DOCK7: variants seen among roughly 807,000 people sequenced by gnomAD.
The protein encoded by DOCK7 is dedicator of cytokinesis protein 7.
A neutral mutation model predicts 271.0 loss-of-function variants in DOCK7; 138 were observed. That is an observed-to-expected ratio of 0.51 (90% confidence interval 0.44 to 0.59). The LOEUF is 0.59. Ranked by LOEUF, DOCK7 falls within the 20% of genes least tolerant of loss-of-function variation. DOCK7 has a pLI of 0.00. For missense variants in DOCK7, 2,066 were observed against 2,592.4 expected (o/e 0.80, Z 4.41); for synonymous variants, 823 against 876.1 (o/e 0.94, Z 1.07).
chr1:62,631,769 A>G (rs1036782886), intron 10 of DOCK7, among the ~76,000 whole-genome samples: 8 of 152,192 alleles, frequency 5.3e-5, no homozygotes, highest in Admixed American at 1.3e-4. Flanking sequence ...AATTTGTTAA[A>G]TTTTGTTACT....
intron 11 of DOCK7, among the ~76,000 whole-genome samples, chr1:62,626,494 CAA>C (rs1259388577): frequency 5.4e-5 from 7 of 130,446 alleles, no homozygotes; most frequent in Admixed American, 1.5e-4. Flanking sequence ...AATGATGAAC[CAA>C]AAAAAAAAAG....
At position 62,455,368 on chromosome 1, in the gene DOCK7, T is replaced by C. The variant is rs1282957398; in HGVS notation, c.*46A>G. ...CCAATAGATCTTTTCACACTCGATG[T>C]TGAATACATGGCTCTTTGCAGATGA... is the stretch of plus-strand genomic sequence containing the variant. On this transcript the variant is annotated 3_prime_UTR_variant, in exon 50 of 50. Coordinates refer to ENST00000635253, the MANE Select transcript of DOCK7 (RefSeq NM_001367561.1). The C allele has an allele frequency of 2.5e-6, 4 of 1,594,662 alleles. No homozygotes were observed. Among genetic ancestry groups the C allele is most frequent in the Non-Finnish European group, 3.4e-6 (4 of 1,163,102 alleles).
At position 62,598,825 on chromosome 1, in the gene DOCK7, G is replaced by A. The variant is rs1649683562; in HGVS notation, c.1683-12201C>T. The A allele has an allele frequency of 8.4e-6, 12 of 1,423,094 alleles. 1 individual carries two copies. The African/African-American group carries it at 1.3e-4, about 15-fold the overall frequency. 88.2% of individuals were successfully genotyped at this position (1,423,094 alleles called of 1,614,324 possible). ...AAATCAGGTAAGTCAGTATTTTAAT[G>A]GTATGTCCCATCTTTCACACAGGTC... On this transcript the variant is annotated intron_variant, in intron 14 of 49. Transcript: ENST00000635253.
intron 7 of DOCK7, among the ~76,000 whole-genome samples, chr1:62,636,820 T>G (rs1655335006): frequency 6.6e-6 from 1 of 152,214 alleles, no homozygotes. Context: ...AATTAATTTA[T>G]CCAGCTACAA....
At chr1:62,526,829 C>A (rs1390360767) in intron 31 of DOCK7, among the ~76,000 whole-genome samples, 1 of 152,082 alleles carries the variant, frequency 6.6e-6, no homozygotes, top group Admixed American at 6.5e-5. Context: ...CACAAAAGAT[C>A]ATATAGTAAA....
chr1:62,574,080 C>A (rs1387257329), intron 18 of DOCK7, among the ~76,000 whole-genome samples: 5 of 152,096 alleles, frequency 3.3e-5, no homozygotes, highest in Non-Finnish European at 7.3e-5. Flanking sequence ...CACCCAGAAC[C>A]CCATGAGTTC....
chr1:62,596,966 T>C (rs528598005), intron 14 of DOCK7, among the ~76,000 whole-genome samples: 21 of 152,182 alleles, frequency 1.4e-4, no homozygotes, highest in African/African-American at 3.6e-4. Flanking sequence ...CAAAAAAACA[T>C]ATTAACAATT....
At chr1:62,612,161 A>C (rs2149569161) in intron 14 of DOCK7, among the ~76,000 whole-genome samples, 1 of 152,228 alleles carries the variant, frequency 6.6e-6, no homozygotes, top group South Asian at 2.1e-4. Flanking sequence ...GTCACACACA[A>C]ACACACAAAA....
At position 62,538,075 on chromosome 1, in the gene DOCK7, C is replaced by T; in HGVS notation, c.3301-14G>A. 6.2e-7 allele frequency: 1 copy of T among 1,607,194 alleles called. No homozygotes were observed. The highest frequency in any genetic ancestry group is 8.5e-7 in the Non-Finnish European group (1 of 1,176,178). On this transcript the variant is annotated splice_polypyrimidine_tract_variant and intron_variant, in intron 27 of 49. Transcript: ENST00000635253. ...CTTTGAAGACACCTTGTAAGCAATG[C>T]ATAAGTAAGAGAACACCAATTGAAT...
chr1:62,584,864 G>T (rs556533093), intron 15 of DOCK7: 1 of 717,324 alleles, frequency 1.4e-6, no homozygotes, highest in South Asian at 1.5e-5. Flanking sequence ...GTATAGGATG[G>T]GTGCAGCTGG....
intron 37 of DOCK7, among the ~76,000 whole-genome samples, chr1:62,504,160 A>G (rs1488090177): frequency 6.6e-6 from 1 of 152,160 alleles, no homozygotes; most frequent in Non-Finnish European, 1.5e-5. Context: ...ATAGCACTTA[A>G]AGGAAAATTC....
chr1:62,586,529 T>C lies in DOCK7; in HGVS notation c.1778A>G (p.Glu593Gly), dbSNP rs141665131. ...TACCGGCATGGCATTGCTTGGATCCTCTCCATACATAAACTGGACTTTCAC... is the reference window on the plus strand; with the variant it reads ...TACCGGCATGGCATTGCTTGGATCCCCTCCATACATAAACTGGACTTTCAC... ...ITVKVQFMYG[E>G]DPSNAMPVIF... is the part of the protein sequence containing the mutation. The change falls in exon 15 of 50, where the codon GAG (glutamate) becomes GGG (glycine). Residue 593 changes from glutamate to glycine, a missense_variant. Around this residue, in one of 2 missense-constraint regions of DOCK7, gnomAD observed 1,414 missense variants for 1,670.4 expected, o/e 0.85. Transcript: ENST00000635253. 2 of 1,610,732 alleles carry C rather than the reference T, an allele frequency of 1.2e-6. No homozygotes were observed. Among genetic ancestry groups the C allele is most frequent in the Non-Finnish European group, 1.7e-6 (2 of 1,177,838 alleles).
At position 62,524,931 on chromosome 1, in the gene DOCK7, C is replaced by CTATATATATATATATATATA. The variant is rs147371901; in HGVS notation, c.3936+3200_3936+3219dup. 3.4e-3 allele frequency among the ~76,000 whole-genome samples: 353 copies of CTATATATATATATATATATA among 103,512 alleles called. 7 individuals are homozygous for CTATATATATATATATATATA. Among genetic ancestry groups the CTATATATATATATATATATA allele is most frequent in the African/African-American group, 6.0e-3 (135 of 22,602 alleles). The allele number at this position is 103,512 out of a possible 152,430, so 67.9% of individuals were successfully genotyped here. A position where few individuals can be genotyped will look rare whatever the true frequency, so the allele number is the denominator to read the frequency against. Reference sequence around the variant, plus strand: ...AACAAAACAAAACCAACCAACCAAACTATATATATATATATATATATATAT... The same window carrying CTATATATATATATATATATA: ...AACAAAACAAAACCAACCAACCAAACTATATATATATATATATATATATATATATATATATATATATATAT... On this transcript the variant is annotated intron_variant, in intron 31 of 49. Coordinates refer to ENST00000635253, the MANE Select transcript of DOCK7 (RefSeq NM_001367561.1).
At chr1:62,644,979 A>G (rs950951346) in intron 7 of DOCK7, among the ~76,000 whole-genome samples, 3 of 152,216 alleles carry the variant, frequency 2.0e-5, no homozygotes, top group African/African-American at 7.2e-5. Flanking sequence ...CAAGAAGATC[A>G]TAAGTAAAGC....
At chr1:62,525,377 T>C (rs1644976391) in intron 31 of DOCK7, among the ~76,000 whole-genome samples, 1 of 152,048 alleles carries the variant, frequency 6.6e-6, no homozygotes, top group Non-Finnish European at 1.5e-5. Flanking sequence ...GTTTGGTGGG[T>C]TGCTGTGGTT....
rs115827600 is a variant in DOCK7 at position 62,639,363 on chromosome 1, A to G, written c.819-2760T>C. 7.4e-3 allele frequency among the ~76,000 whole-genome samples: 1,106 copies of G among 150,186 alleles called. 9 individuals are homozygous for G. The highest frequency in any genetic ancestry group is 0.025 in the African/African-American group (1,028 of 40,580). On this transcript the variant is annotated intron_variant, in intron 7 of 49. Transcript: ENST00000635253. ...GGAAACACAGCAAGATCCAATTTCTAATTTTTTAAAAGAAAGAAAATTAGT... is the reference window on the plus strand; with the variant it reads ...GGAAACACAGCAAGATCCAATTTCTGATTTTTTAAAAGAAAGAAAATTAGT...
intron 41 of DOCK7, among the ~76,000 whole-genome samples, chr1:62,489,935 T>C (rs1429370808): frequency 6.6e-6 from 1 of 152,124 alleles, no homozygotes. Context: ...TAACAAAGCA[T>C]AGAAAGTTTT....
intron 43 of DOCK7, chr1:62,478,874 G>A (rs1453008510): frequency 6.6e-6 from 1 of 152,000 alleles, no homozygotes; most frequent in East Asian, 1.9e-4. Flanking sequence ...ATTCATGTCA[G>A]GTACAAAGTA....
At chr1:62,529,476 A>G in intron 29 of DOCK7, 30 bp from the exon 30 acceptor site, 3 of 1,563,380 alleles carry the variant, frequency 1.9e-6, no homozygotes, top group Middle Eastern at 1.8e-4. Flanking sequence ...CAAAGAAGAA[A>G]AAGCAGTAAG....
Sources: gnomAD v4.1 joint callset for allele counts (sites outside exome capture counted in the v4.1 genomes callset) on GRCh38, gnomAD v4.1.1 for gene constraint, gnomAD v4.1.1 regional missense constraint, MANE v1.5 for transcripts, NCBI Gene and HGNC (gene_info 2026-07-23, HGNC 2026-07-21) for gene names.